GALNT13: variants seen among roughly 807,000 people sequenced by gnomAD.
GALNT13 encodes the protein UDP-GalNAc:polypeptide N-acetylgalactosaminyltransferase 13.
A neutral mutation model predicts 64.2 loss-of-function variants in GALNT13; 28 were observed. The ratio of observed to expected loss-of-function variants is 0.44; its 90% CI spans 0.32 to 0.60. The LOEUF is 0.60. Among genes scored for constraint, GALNT13 ranks in the 20% least tolerant of loss-of-function variants. GALNT13 has a pLI of 0.05. For synonymous variants in GALNT13, 214 were observed against 224.6 expected (o/e 0.95, Z 0.42); for missense variants, 577 against 669.8 (o/e 0.86, Z 1.53).
the GALNT13 span, among the ~76,000 whole-genome samples, chr2:153,438,234 C>G: frequency 6.6e-6 from 1 of 152,172 alleles, no homozygotes; most frequent in African/African-American, 2.4e-5. Flanking sequence ...GGTAACCTGA[C>G]CTTTCTCTCT....
At chr2:153,213,382 A>G in the GALNT13 span, among the ~76,000 whole-genome samples, 2 of 152,176 alleles carry the variant, frequency 1.3e-5, no homozygotes, top group African/African-American at 2.4e-5. Flanking sequence ...CTGTGGGGAG[A>G]CTTGATCTTT....
chr2:153,561,171 TATTG>T, the GALNT13 span, among the ~76,000 whole-genome samples: 2 of 118,574 alleles, frequency 1.7e-5, no homozygotes, highest in East Asian at 4.9e-4. Flanking sequence ...AGTAGACTTT[TATTG>T]ATTTTTTTTT....
At chr2:153,882,340 A>G (rs1184916714) in intron 1 of GALNT13, among the ~76,000 whole-genome samples, 1 of 152,096 alleles carries the variant, frequency 6.6e-6, no homozygotes, top group Non-Finnish European at 1.5e-5. Context: ...TCAAACATGT[A>G]TAGATGAAAT....
intron 2 of GALNT13, among the ~76,000 whole-genome samples, chr2:153,933,227 T>G (rs1558861038): frequency 6.6e-6 from 1 of 152,146 alleles, no homozygotes; most frequent in African/African-American, 2.4e-5. Flanking sequence ...GGTGTTGAAG[T>G]CCCCCATTAC....
At chr2:153,147,088 C>T in the GALNT13 span, among the ~76,000 whole-genome samples, 24 of 151,666 alleles carry the variant, frequency 1.6e-4, no homozygotes, top group Admixed American at 1.1e-3. Flanking sequence ...AACTGAGTTT[C>T]GCGGAGGAGA....
the GALNT13 span, among the ~76,000 whole-genome samples, chr2:153,244,756 C>T: frequency 1.3e-5 from 2 of 152,194 alleles, no homozygotes; most frequent in African/African-American, 4.8e-5. Context: ...GGTGATCCTA[C>T]ACCTGGAACC....
intron 9 of GALNT13, among the ~76,000 whole-genome samples, chr2:154,381,434 C>T (rs2105332424): frequency 6.6e-6 from 1 of 152,156 alleles, no homozygotes; most frequent in South Asian, 2.1e-4. Context: ...ATTCTCTGTA[C>T]ATCTCTCAAA....
At chr2:154,199,657 A>G (rs1011518774) in intron 4 of GALNT13, among the ~76,000 whole-genome samples, 3 of 151,994 alleles carry the variant, frequency 2.0e-5, no homozygotes, top group Admixed American at 6.6e-5. Flanking sequence ...TATGTATTAG[A>G]ATTTATCTAT....
the GALNT13 span, among the ~76,000 whole-genome samples, chr2:153,656,779 A>C: frequency 1.3e-5 from 2 of 152,122 alleles, no homozygotes; most frequent in African/African-American, 4.8e-5. Flanking sequence ...GCTAGGGCTG[A>C]GCAGGAGAAC....
At chr2:153,299,956 G>A in the GALNT13 span, among the ~76,000 whole-genome samples, 1 of 152,052 alleles carries the variant, frequency 6.6e-6, no homozygotes, top group Non-Finnish European at 1.5e-5. Flanking sequence ...CCGTGGTGCC[G>A]AGTACAGCCA....
chr2:153,632,941 A>T, the GALNT13 span, among the ~76,000 whole-genome samples: 54 of 151,800 alleles, frequency 3.6e-4, 1 homozygote, highest in East Asian at 9.7e-3. Flanking sequence ...CTTTTTTTTT[A>T]GTAGAGATGT....
At chr2:153,867,463 C>A (rs1685787038), upstream of GALNT13, among the ~76,000 whole-genome samples, 1 of 152,076 alleles carries the variant, frequency 6.6e-6, no homozygotes, top group Admixed American at 6.6e-5. Context: ...GACGTAAATA[C>A]ACACCTACTT....
At chr2:154,216,122 A>G (rs1348993667) in intron 4 of GALNT13, among the ~76,000 whole-genome samples, 1 of 152,134 alleles carries the variant, frequency 6.6e-6, no homozygotes, top group East Asian at 1.9e-4. Context: ...ATATACACAC[A>G]TATCCTTTTG....
At chr2:153,893,645 G>T in intron 1 of GALNT13, among the ~76,000 whole-genome samples, 1 of 151,836 alleles carries the variant, frequency 6.6e-6, no homozygotes, top group Middle Eastern at 3.4e-3. Flanking sequence ...AGAAATTATT[G>T]ATATTGTTTT....
chr2:154,104,509 G>A (rs1395074713), intron 3 of GALNT13, among the ~76,000 whole-genome samples: 1 of 152,176 alleles, frequency 6.6e-6, no homozygotes, highest in Admixed American at 6.5e-5. Flanking sequence ...GCATGGACAG[G>A]GGAAGAGGGG....
chr2:153,963,150 T>C (rs1470734962), intron 3 of GALNT13, among the ~76,000 whole-genome samples: 1 of 152,124 alleles, frequency 6.6e-6, no homozygotes, highest in Non-Finnish European at 1.5e-5. Flanking sequence ...AGGAGGAGCA[T>C]TGTTGTCTTT....
chr2:153,936,567 T>C (rs1690932657), intron 2 of GALNT13, among the ~76,000 whole-genome samples: 2 of 152,166 alleles, frequency 1.3e-5, no homozygotes, highest in Admixed American at 1.3e-4. Flanking sequence ...GGCACCTTTA[T>C]CACAGAGAGC....
chr2:154,151,666 A>T (rs1447601163), intron 4 of GALNT13, among the ~76,000 whole-genome samples: 4 of 151,754 alleles, frequency 2.6e-5, no homozygotes, highest in African/African-American at 7.3e-5. Context: ...GTTGAATTGA[A>T]CCCTTTACCA....
intron 1 of GALNT13, among the ~76,000 whole-genome samples, chr2:153,882,038 G>C (rs1411558511): frequency 6.6e-6 from 1 of 151,880 alleles, no homozygotes; most frequent in East Asian, 1.9e-4. Flanking sequence ...CATTTTAAGA[G>C]GAAGGAATAA....
Sources: gnomAD v4.1 joint callset for allele counts (sites outside exome capture counted in the v4.1 genomes callset) on GRCh38, gnomAD v4.1.1 for gene constraint, MANE v1.5 for transcripts, NCBI Gene and HGNC (gene_info 2026-07-23, HGNC 2026-07-21) for gene names.